The following PCDHGB2 variants were observed in gnomAD, a reference collection of about 807,000 sequenced individuals.
The protein encoded by PCDHGB2 is protocadherin gamma subfamily B, 2.
Under a neutral mutation model 59.3 loss-of-function variants are expected in PCDHGB2, and 55 were observed. That is an observed-to-expected ratio of 0.93 (90% CI 0.75 to 1.16). The LOEUF is 1.16. Ranked by LOEUF, PCDHGB2 falls within the 50% of genes most tolerant of loss-of-function variation. The pLI, the probability that PCDHGB2 is intolerant of heterozygous loss-of-function variation, is 0.00. For synonymous variants in PCDHGB2, 516 were observed against 512.0 expected (o/e 1.01, Z -0.11); for missense variants, 1,228 against 1,198.5 (o/e 1.02, Z -0.36).
In PCDHGB2 at chr5:141,494,027, G is replaced by A. The variant is rs77020157; in HGVS notation, c.2422-780G>A. 1.5e-4 allele frequency among the ~76,000 whole-genome samples: 23 copies of A among 152,298 alleles called. No homozygotes were observed. In the East Asian group the frequency reaches 3.3e-3, roughly 22 times the overall value. ...ACACATCAGCCCCTTGGGAGCCCTGGAGACTTAGTTGGCCCTGCTTGGAGG... is the reference window on the plus strand; with the variant it reads ...ACACATCAGCCCCTTGGGAGCCCTGAAGACTTAGTTGGCCCTGCTTGGAGG... On this transcript the variant is annotated intron_variant, in intron 1 of 3. Coordinates refer to ENST00000522605, the MANE Select transcript of PCDHGB2 (RefSeq NM_018923.3).
At chr5:141,364,509 C>T (rs1482984712) in intron 1 of PCDHGB2, 2 of 1,613,942 alleles carry the variant, frequency 1.2e-6, no homozygotes, top group South Asian at 1.1e-5. Flanking sequence ...CAGGAGCTGG[C>T]GGAGCGCGGA....
At chr5:141,444,471 G>A (rs929365899) in intron 1 of PCDHGB2, among the ~76,000 whole-genome samples, 1 of 151,876 alleles carries the variant, frequency 6.6e-6, no homozygotes, top group Non-Finnish European at 1.5e-5. Flanking sequence ...GCGCCCGGTC[G>A]CGTACTGGAT....
chr5:141,398,787 A>C, intron 1 of PCDHGB2: 1 of 1,613,902 alleles, frequency 6.2e-7, no homozygotes, highest in South Asian at 1.1e-5. Context: ...GTGGACATCC[A>C]CCCCTAAGCG....
chr5:141,378,973 A>G (rs1775276722), intron 1 of PCDHGB2: 1 of 152,222 alleles, frequency 6.6e-6, no homozygotes, highest in South Asian at 2.1e-4. Context: ...TAATTTGATG[A>G]CTTGTTGAAC....
At chr5:141,413,562 T>C in intron 1 of PCDHGB2, 1 of 1,613,850 alleles carries the variant, frequency 6.2e-7, no homozygotes, top group Non-Finnish European at 8.5e-7. Context: ...AAGTAACTGA[T>C]ATCAATGACA....
At chr5:141,375,221 G>C (rs1299495432) in intron 1 of PCDHGB2, 31 of 1,613,820 alleles carry the variant, frequency 1.9e-5, no homozygotes, top group Non-Finnish European at 2.6e-5. Context: ...TGGCCTGAAT[G>C]GCCTGGTAAC....
chr5:141,387,024 G>T (rs888266912), intron 1 of PCDHGB2, among the ~76,000 whole-genome samples: 2 of 152,172 alleles, frequency 1.3e-5, no homozygotes, highest in Non-Finnish European at 2.9e-5. Context: ...GATGAATGTT[G>T]TATTTCATAA....
chr5:141,377,925 G>A (rs1473713121), intron 1 of PCDHGB2: 1 of 152,134 alleles, frequency 6.6e-6, no homozygotes, highest in Non-Finnish European at 1.5e-5. Context: ...AAATCCACCT[G>A]TAACTGCTGC....
At chr5:141,381,986 C>A (rs1360595056) in intron 1 of PCDHGB2, among the ~76,000 whole-genome samples, 1 of 151,810 alleles carries the variant, frequency 6.6e-6, no homozygotes, top group East Asian at 1.9e-4. Flanking sequence ...CGCGCCACCA[C>A]GCCCGGATAA....
intron 1 of PCDHGB2, chr5:141,409,236 C>T (rs1305954301): frequency 1.2e-6 from 2 of 1,613,866 alleles, no homozygotes; most frequent in Non-Finnish European, 8.5e-7. Flanking sequence ...GACAACAGCC[C>T]AGAAATAATC....
chr5:141,506,415 C>T lies in PCDHGB2; in HGVS notation c.2569+934C>T, dbSNP rs2099853185. 2.0e-5 allele frequency among the ~76,000 whole-genome samples: 3 copies of T among 148,290 alleles called. No homozygotes were observed. The South Asian group carries it at 6.4e-4, about 32-fold the overall frequency. On this transcript the variant is annotated intron_variant, in intron 3 of 3. Coordinates refer to ENST00000522605, the MANE Select transcript of PCDHGB2 (RefSeq NM_018923.3). ...GAGCAGAAAATCGCACCACTGCACT[C>T]CAGCCTGGGCAACAGTCTCGCTCTG...
chr5:141,394,184 C>G, intron 1 of PCDHGB2: 1 of 1,613,944 alleles, frequency 6.2e-7, no homozygotes, highest in Non-Finnish European at 8.5e-7. Context: ...ATGCCTCCTA[C>G]TCAGCGTATA....
rs1467738404 is a variant in PCDHGB2 at position 141,430,698 on chromosome 5, G to A, written c.2422-64109G>A. On this transcript the variant is annotated intron_variant, in intron 1 of 3. Coordinates refer to ENST00000522605, the MANE Select transcript of PCDHGB2 (RefSeq NM_018923.3). The stretch of plus-strand genomic sequence containing the variant: ...CAACTGTCCCATTCTATGGGCGAAG[G>A]AACTGCTCCTGACTTCAGTGGTTAA... 4.1e-6 allele frequency: 6 copies of A among 1,451,686 alleles called. No homozygotes were observed. The South Asian group carries it at 7.8e-5, about 19-fold the overall frequency. The allele number at this position is 1,451,686 out of a possible 1,614,324, so 89.9% of individuals were successfully genotyped here.
chr5:141,494,639 C>T, intron 1 of PCDHGB2, 168 bp from the exon 2 acceptor site: 1 of 901,070 alleles, frequency 1.1e-6, no homozygotes, highest in Non-Finnish European at 1.3e-6. Flanking sequence ...ACCTCTGAGA[C>T]CTGAGGTGTA....
At chr5:141,480,398 G>C (rs2099518275) in intron 1 of PCDHGB2, among the ~76,000 whole-genome samples, 1 of 149,050 alleles carries the variant, frequency 6.7e-6, no homozygotes, top group Non-Finnish European at 1.5e-5. Context: ...CATGGCAATA[G>C]AGTGAGACCC....
chr5:141,419,175 C>T (rs185228661), intron 1 of PCDHGB2: 2 of 1,613,966 alleles, frequency 1.2e-6, no homozygotes, highest in Non-Finnish European at 1.7e-6. Flanking sequence ...AAAACCATAA[C>T]CCTGCACATT....
At position 141,486,108 on chromosome 5, in the gene PCDHGB2, G is replaced by A. The variant is rs1184123075; in HGVS notation, c.2422-8699G>A. ...CTTTTGGGGCCCCTAGACTTTGAGA[G>A]TGAGAATTACTATGAATTTGATGTG... On this transcript the variant is annotated intron_variant, in intron 1 of 3. Coordinates refer to ENST00000522605, the MANE Select transcript of PCDHGB2 (RefSeq NM_018923.3). The surrounding 1 kb of genome is among the most constrained non-coding windows in gnomAD (Gnocchi z 5.0). 6 of 1,614,206 alleles carry A rather than the reference G, an allele frequency of 3.7e-6. No individual in the cohort carries two copies. Among genetic ancestry groups the A allele is most frequent in the South Asian group, 3.3e-5 (3 of 91,084 alleles).
chr5:141,424,169 A>G (rs542346399), intron 1 of PCDHGB2: 20 of 225,850 alleles, frequency 8.9e-5, no homozygotes, highest in Middle Eastern at 2.3e-3. Context: ...TCATCTATCT[A>G]TCTATACACA....
intron 1 of PCDHGB2, chr5:141,371,148 G>T (rs759466044): frequency 9.9e-6 from 16 of 1,613,892 alleles, no homozygotes; most frequent in South Asian, 4.4e-5. Context: ...GGTCAATGTT[G>T]CAGAGAACCT....
Sources: allele counts gnomAD v4.1 joint callset (sites outside exome capture counted in the v4.1 genomes callset), GRCh38; gene constraint gnomAD v4.1.1; non-coding constraint Gnocchi (gnomAD v3.1); transcripts MANE v1.5; gene names NCBI Gene and HGNC (gene_info 2026-07-23, HGNC 2026-07-21).